Variants in NOSIP observed in about 807,000 individuals in gnomAD.
The protein encoded by NOSIP is nitric oxide synthase interacting protein.
Under a neutral mutation model 36.4 loss-of-function variants are expected in NOSIP, and 25 were observed. The observed-to-expected ratio is 0.69, with a 90% CI of 0.50 to 0.96. The LOEUF (loss-of-function observed/expected upper bound fraction) is 0.96, where lower values mean the gene tolerates loss of function less well. NOSIP is among the 40% of genes least tolerant of loss of function. The pLI is 0.00. For synonymous variants in NOSIP, 187 were observed against 179.2 expected (o/e 1.04, Z -0.35); for missense variants, 370 against 429.0 (o/e 0.86, Z 1.21).
chr19:49,566,005 T>C (rs2080402711), intron 1 of NOSIP, among the ~76,000 whole-genome samples: 1 of 151,702 alleles, frequency 6.6e-6, no homozygotes, highest in Non-Finnish European at 1.5e-5. Flanking sequence ...AAATTCTTTT[T>C]TTCTTTCTTT....
chr19:49,556,902 T>C lies in NOSIP; in HGVS notation c.510A>G (p.Glu170=). ...PSFWIPSLTP[E]AKATKLEKPS... ...GCTTCTCCAGCTTGGTGGCCTTGGC[T>C]TCGGGCGTCAGCGACGGGATCCAGA... Residue 170 remains glutamate (E), a synonymous_variant, in exon 6 of 9, where the codon GAA becomes GAG. Transcript: ENST00000596358. 6.2e-7 allele frequency: 1 copy of C among 1,613,504 alleles called. No homozygotes were observed. The highest frequency in any genetic ancestry group is 8.5e-7 in the Non-Finnish European group (1 of 1,179,730).
rs769242681 is a variant in NOSIP at position 49,556,702 on chromosome 19, G to A, written c.572C>T (p.Pro191Leu). Residue 191 changes from proline (P) to leucine (L), a missense_variant, in exon 7 of 9, where the codon CCC (proline) becomes CTC (leucine). This residue lies in a region of NOSIP where 315 missense variants were observed against 331.9 expected (regional missense o/e 0.95). Transcript: ENST00000596358. Reference sequence around the variant, plus strand: ...GGGCGTCAGGTCCGACATGCGCAGGGGCTTCCCTGACATGGGGCAGGTCAC... The same window carrying A: ...GGGCGTCAGGTCCGACATGCGCAGGAGCTTCCCTGACATGGGGCAGGTCAC... ...RTVTCPMSGK[P>L]LRMSDLTPVH... 3.1e-6 allele frequency: 5 copies of A among 1,609,544 alleles called. No homozygotes were observed. In the African/African-American group the frequency reaches 5.3e-5, roughly 17 times the overall value.
intron 1 of NOSIP, among the ~76,000 whole-genome samples, chr19:49,572,312 G>A (rs1433285193): frequency 6.6e-6 from 1 of 150,964 alleles, no homozygotes; most frequent in East Asian, 2.0e-4. Flanking sequence ...TCGCCATGTT[G>A]GGCAGGCTGG....
At chr19:49,575,696 T>C (rs2080542886) in intron 1 of NOSIP, among the ~76,000 whole-genome samples, 2 of 152,312 alleles carry the variant, frequency 1.3e-5, no homozygotes, top group South Asian at 4.1e-4. Context: ...TCAGCCCCTG[T>C]AGCATAAAAG....
chr19:49,555,501 C>T lies in NOSIP; in HGVS notation c.*250G>A, dbSNP rs1286895961. 2.0e-5 allele frequency among the ~76,000 whole-genome samples: 3 copies of T among 152,164 alleles called. No individual in the cohort carries two copies. The highest frequency in any genetic ancestry group is 2.1e-4 in the South Asian group (1 of 4,828). On this transcript the variant is annotated 3_prime_UTR_variant, in exon 9 of 9. Transcript: ENST00000596358. ...CTCGAACTCCTGACCTCAAGTGATA[C>T]GCTAGCCTCGGCCTCCGAAAGTGCT...
At position 49,559,086 on chromosome 19, in the gene NOSIP, A is replaced by C. The variant is rs1599746854; in HGVS notation, c.177-108T>G. On this transcript the variant is annotated intron_variant, in intron 3 of 8. Coordinates refer to ENST00000596358, the MANE Select transcript of NOSIP (RefSeq NM_001270960.2). ...GTCATCATGATCAGTCCCAAGTTCA[A>C]TTATTTGCTAGAATTCACAGAACTC... 7.1e-6 allele frequency: 6 copies of C among 848,060 alleles called. No individual in the cohort carries two copies. In the East Asian group the frequency reaches 1.5e-4, roughly 21 times the overall value. The allele number at this position is 848,060 out of a possible 1,614,324, so 52.5% of individuals were successfully genotyped here.
chr19:49,559,676 A>T (rs1051833624), intron 3 of NOSIP: 1 of 500,582 alleles, frequency 2.0e-6, no homozygotes, highest in East Asian at 3.7e-5. Flanking sequence ...TCCAAAGGTG[A>T]GCTGCTCCGA....
In NOSIP at chr19:49,556,741, A is replaced by C; in HGVS notation, c.538-5T>G. On this transcript the variant is annotated splice_polypyrimidine_tract_variant and splice_region_variant and intron_variant, in intron 6 of 8. Coordinates refer to ENST00000596358, the MANE Select transcript of NOSIP (RefSeq NM_001270960.2). ...GGGGCAGGTCACCGTGCGGGACTGC[A>C]AGGGGCAGAGAGAGGCGGGCTCAGT... 6.2e-7 allele frequency: 1 copy of C among 1,605,074 alleles called. No individual in the cohort carries two copies.
intron 8 of NOSIP, among the ~76,000 whole-genome samples, 178 bp from the exon 9 acceptor site, chr19:49,556,000 G>A (rs1724728892): frequency 6.7e-6 from 1 of 149,664 alleles, no homozygotes; most frequent in South Asian, 2.1e-4. Flanking sequence ...GGCGCAGGGC[G>A]CAGAGAAGAG....
chr19:49,577,376 G>A (rs1327123787), intron 1 of NOSIP, among the ~76,000 whole-genome samples: 1 of 151,824 alleles, frequency 6.6e-6, no homozygotes, highest in Non-Finnish European at 1.5e-5. Flanking sequence ...GGCCAACATG[G>A]CGAAACCCCA....
rs1259576350 is a variant in NOSIP at position 49,572,383 on chromosome 19, A to G, written c.-2+8132T>C. ...CAGCCTCCCAAAGTGCTAGGATTAC[A>G]AGCATGAGTCACTGCACCCAGCCTT... On this transcript the variant is annotated intron_variant, in intron 1 of 8. Transcript: ENST00000596358. Among the ~76,000 whole-genome samples, 23 of 149,358 alleles carry G rather than the reference A, an allele frequency of 1.5e-4. No individual in the cohort carries two copies. The South Asian group carries it at 4.7e-3, about 30-fold the overall frequency.
At chr19:49,564,570 C>T (rs1319628556) in intron 1 of NOSIP, among the ~76,000 whole-genome samples, 1 of 151,706 alleles carries the variant, frequency 6.6e-6, no homozygotes, top group Non-Finnish European at 1.5e-5. Flanking sequence ...GCTACTAGAA[C>T]CCTCGTGCAC....
intron 3 of NOSIP, chr19:49,559,209 A>G (rs574288559): frequency 6.4e-5 from 33 of 517,610 alleles, no homozygotes; most frequent in Admixed American, 2.6e-4. Context: ...AATCTAGTAG[A>G]GACTAGATTT....
At chr19:49,570,288 C>T (rs1320537405) in intron 1 of NOSIP, among the ~76,000 whole-genome samples, 1 of 152,098 alleles carries the variant, frequency 6.6e-6, no homozygotes, top group Non-Finnish European at 1.5e-5. Context: ...TCATCTCTAT[C>T]GCCCCCTTCT....
intron 1 of NOSIP, among the ~76,000 whole-genome samples, chr19:49,562,316 G>C (rs1046469282): frequency 6.6e-6 from 1 of 152,072 alleles, no homozygotes; most frequent in Non-Finnish European, 1.5e-5. Context: ...TAGAGACGGG[G>C]TTTCACCGTG....
At position 49,555,623 on chromosome 19, in the gene NOSIP, G is replaced by A; in HGVS notation, c.*128C>T. The A allele has an allele frequency of 2.8e-6, 2 of 709,926 alleles. No individual in the cohort carries two copies. The highest frequency in any genetic ancestry group is 4.9e-6 in the Non-Finnish European group (2 of 407,802). 44.0% of individuals were successfully genotyped at this position (709,926 alleles called of 1,614,324 possible). A position where few individuals can be genotyped will look rare whatever the true frequency, so the allele number is the denominator to read the frequency against. On this transcript the variant is annotated 3_prime_UTR_variant, in exon 9 of 9. Coordinates refer to ENST00000596358, the MANE Select transcript of NOSIP (RefSeq NM_001270960.2). ...AGCCCGCTCTTTCAAACTCCAGCGT[G>A]CGCTGTAGGAGCACTGTTTGCACGG... is the stretch of plus-strand genomic sequence containing the variant.
At chr19:49,557,954 G>C in intron 4 of NOSIP, 3 of 986,416 alleles carry the variant, frequency 3.0e-6, no homozygotes, top group Non-Finnish European at 3.6e-6. Context: ...ACCTGCTTGG[G>C]ACAAAAAGCC....
Position 49,557,166 on chromosome 19 carries a change from G to T in NOSIP, c.342C>A (p.Phe114Leu). The T allele has an allele frequency of 6.2e-7, 1 of 1,611,788 alleles. No homozygotes were observed. Among genetic ancestry groups the T allele is most frequent in the Non-Finnish European group, 8.5e-7 (1 of 1,179,268 alleles). The stretch of plus-strand genomic sequence containing the variant: ...TCACGATAGCCGACTCCTTCTCCAG[G>T]AAGCCCCGCACATGGTCCTGCGAGG... ...RAASQDHVRG[F>L]LEKESAIVSR... The change falls in exon 5 of 9, where the codon TTC becomes TTA. Residue 114 changes from phenylalanine (F) to leucine (L), a missense_variant. Coordinates refer to ENST00000596358, the MANE Select transcript of NOSIP (RefSeq NM_001270960.2).
At chr19:49,556,834 C>A in intron 6 of NOSIP, 41 bp downstream of exon 6, 1 of 1,596,646 alleles carries the variant, frequency 6.3e-7, no homozygotes, top group Non-Finnish European at 8.6e-7. Context: ...GGAACCCTGG[C>A]GCCCTGGCAC....
Sources: allele counts gnomAD v4.1 joint callset (sites outside exome capture counted in the v4.1 genomes callset), GRCh38; gene constraint gnomAD v4.1.1; regional missense constraint gnomAD v4.1.1; transcripts MANE v1.5; gene names NCBI Gene and HGNC (gene_info 2026-07-23, HGNC 2026-07-21).